AFF3: variants seen among roughly 807,000 people sequenced by gnomAD.
AFF3 encodes ALF transcription elongation factor 3.
In AFF3, 32 loss-of-function variants were observed where a neutral mutation model predicts 129.7. That is an observed-to-expected ratio of 0.25 (90% CI 0.19 to 0.33). The LOEUF (loss-of-function observed/expected upper bound fraction) is 0.33. Ranked by LOEUF, AFF3 falls within the 10% of genes least tolerant of loss-of-function variation. AFF3 has a pLI of 1.00. For missense variants in AFF3, 1,373 were observed against 1,592.0 expected (o/e 0.86, Z 2.34); for synonymous variants, 644 against 635.4 (o/e 1.01, Z -0.20).
intron 9 of AFF3, among the ~76,000 whole-genome samples, chr2:99,747,985 C>T (rs993593075): frequency 1.3e-5 from 2 of 152,088 alleles, no homozygotes; most frequent in Admixed American, 1.3e-4. Flanking sequence ...CCTTACCAGG[C>T]CACTCCCACA....
intron 17 of AFF3, 22 bp downstream of exon 17, chr2:99,582,776 G>T (rs755743426): frequency 1.2e-6 from 2 of 1,612,948 alleles, no homozygotes; most frequent in South Asian, 1.1e-5. Context: ...TTTTAATTGG[G>T]AAAGGAAGAG....
chr2:99,787,188 T>TCA (rs1044857940), intron 8 of AFF3, among the ~76,000 whole-genome samples: 60 of 152,256 alleles, frequency 3.9e-4, no homozygotes, highest in African/African-American at 1.4e-3. Flanking sequence ...GTGTGCTGGC[T>TCA]CACACCCCAC....
At chr2:100,113,315 C>T (rs1168169898) in intron 2 of AFF3, among the ~76,000 whole-genome samples, 3 of 152,218 alleles carry the variant, frequency 2.0e-5, no homozygotes, top group Non-Finnish European at 4.4e-5. Context: ...ATAATGCACA[C>T]ACATCTTAAT....
intron 4 of AFF3, among the ~76,000 whole-genome samples, chr2:100,067,392 A>G (rs1005327357): frequency 6.6e-6 from 1 of 152,182 alleles, no homozygotes; most frequent in African/African-American, 2.4e-5. Context: ...GAGTGTACAC[A>G]TGTGTGCACA....
In AFF3 at chr2:99,546,702, T is replaced by A. The variant is rs898601016; in HGVS notation, c.*4772A>T. ...AGCCACTGGTCTAATGCCTCCGTCTTCTTTAGTTCAAAATTATCTTATTTT... is the reference window on the plus strand; with the variant it reads ...AGCCACTGGTCTAATGCCTCCGTCTACTTTAGTTCAAAATTATCTTATTTT... On this transcript the variant is annotated 3_prime_UTR_variant, in exon 25 of 25. Transcript: ENST00000672756. The A allele has an allele frequency of 4.4e-6, 1 of 228,424 alleles. No individual in the cohort carries two copies. Among genetic ancestry groups the A allele is most frequent in the Admixed American group, 5.7e-5 (1 of 17,596 alleles). 14.1% of individuals were successfully genotyped at this position (228,424 alleles called of 1,614,324 possible). A position where few individuals can be genotyped will look rare whatever the true frequency, so the allele number is the denominator to read the frequency against.
chr2:99,746,725 C>T lies in AFF3; in HGVS notation c.1003-2585G>A, dbSNP rs184818978. The stretch of plus-strand genomic sequence containing the variant: ...AAGAAGACATCCACAATTAAATCCC[C>T]CATGTAGATTGGTACGTTTTCCTTC... On this transcript the variant is annotated intron_variant, in intron 9 of 24. Coordinates refer to ENST00000672756, the MANE Select transcript of AFF3 (RefSeq NM_001386135.1). Among the ~76,000 whole-genome samples, 7 of 152,208 alleles carry T rather than the reference C, an allele frequency of 4.6e-5. No individual in the cohort carries two copies. In the East Asian group the frequency reaches 7.7e-4, roughly 17 times the overall value.
intron 8 of AFF3, among the ~76,000 whole-genome samples, chr2:99,776,214 C>A (rs548823051): frequency 6.6e-6 from 1 of 152,216 alleles, no homozygotes; most frequent in South Asian, 2.1e-4. Context: ...TGGCTCCTAA[C>A]AAAGAACCAG....
intron 4 of AFF3, among the ~76,000 whole-genome samples, chr2:100,067,180 TAAAA>T (rs35574768): frequency 3.0e-5 from 4 of 134,314 alleles, no homozygotes; most frequent in Non-Finnish European, 4.8e-5. Flanking sequence ...TCCACATAGT[TAAAA>T]AAAAAAAAAA....
At chr2:99,765,501 G>A (rs1049085498) in intron 8 of AFF3, among the ~76,000 whole-genome samples, 2 of 152,222 alleles carry the variant, frequency 1.3e-5, no homozygotes, top group African/African-American at 4.8e-5. Context: ...CCAGCAGAAT[G>A]ACCTCGGGCA....
At position 100,014,783 on chromosome 2, in the gene AFF3, C is replaced by CTTT. The variant is rs60456923; in HGVS notation, c.54-5854_54-5852dup. 3.0e-3 allele frequency among the ~76,000 whole-genome samples: 366 copies of CTTT among 120,392 alleles called. 17 individuals are homozygous for CTTT. The highest frequency in any genetic ancestry group is 0.011 in the African/African-American group (346 of 30,130). The allele number at this position is 120,392 out of a possible 152,430, so 79.0% of individuals were successfully genotyped here. On this transcript the variant is annotated intron_variant, in intron 4 of 24. Transcript: ENST00000672756. ...CCATACCTCCATACCACCTTGCTTC[C>CTTT]TTTTTTTTTTTTTTTTTTTAGACGG...
At chr2:99,841,956 C>T (rs1358383262) in intron 7 of AFF3, among the ~76,000 whole-genome samples, 3 of 152,144 alleles carry the variant, frequency 2.0e-5, no homozygotes, top group Admixed American at 6.5e-5. Context: ...TCCTTTTCCA[C>T]GTGGCACATT....
At chr2:99,677,263 CAAAAAAA>C (rs386390727) in intron 11 of AFF3, among the ~76,000 whole-genome samples, 2 of 105,158 alleles carry the variant, frequency 1.9e-5, no homozygotes, top group Non-Finnish European at 3.7e-5. Flanking sequence ...GACCCTGTCT[CAAAAAAA>C]AAAAAAAAAA....
At chr2:99,799,418 G>T (rs1184523687) in intron 8 of AFF3, among the ~76,000 whole-genome samples, 1 of 147,876 alleles carries the variant, frequency 6.8e-6, no homozygotes, top group African/African-American at 2.5e-5. Flanking sequence ...AAGGGGGAGG[G>T]TAGAAAATAT....
chr2:99,843,326 G>A (rs1689460477), intron 7 of AFF3, among the ~76,000 whole-genome samples: 1 of 152,142 alleles, frequency 6.6e-6, no homozygotes, highest in Non-Finnish European at 1.5e-5. Flanking sequence ...TCCCCTGTCA[G>A]GGGCTTCACT....
At chr2:99,914,822 A>G (rs372660878) in intron 7 of AFF3, among the ~76,000 whole-genome samples, 89 of 152,222 alleles carry the variant, frequency 5.8e-4, no homozygotes, top group African/African-American at 2.1e-3. Context: ...CAGGAGGCTG[A>G]GGCAGGAGAA....
intron 4 of AFF3, among the ~76,000 whole-genome samples, chr2:100,025,274 T>C (rs1421710796): frequency 6.6e-6 from 1 of 151,916 alleles, no homozygotes; most frequent in Non-Finnish European, 1.5e-5. Flanking sequence ...GACAGTCAAA[T>C]CAGGAACTCA....
intron 11 of AFF3, among the ~76,000 whole-genome samples, chr2:99,706,068 A>T (rs1677358400): frequency 6.6e-6 from 1 of 152,120 alleles, no homozygotes; most frequent in African/African-American, 2.4e-5. Context: ...CCCAGGAAGC[A>T]GCATTTTAAA....
chr2:99,803,614 G>A (rs1422327169), intron 8 of AFF3, among the ~76,000 whole-genome samples: 3 of 152,146 alleles, frequency 2.0e-5, no homozygotes, highest in Non-Finnish European at 2.9e-5. Flanking sequence ...AAAAGAGGCT[G>A]AAGAGCCAAA....
intron 4 of AFF3, among the ~76,000 whole-genome samples, chr2:100,030,855 G>A (rs1013980170): frequency 2.0e-4 from 31 of 152,172 alleles, no homozygotes; most frequent in African/African-American, 7.0e-4. Flanking sequence ...AAGGTTGAAT[G>A]TAGAGTACAG....
Sources: gnomAD v4.1 joint callset for allele counts (sites outside exome capture counted in the v4.1 genomes callset) on GRCh38, gnomAD v4.1.1 for gene constraint, MANE v1.5 for transcripts, NCBI Gene and HGNC (gene_info 2026-07-23, HGNC 2026-07-21) for gene names.